The following MGMT variants were observed in gnomAD, a reference collection of about 807,000 sequenced individuals.
MGMT encodes O-6-methylguanine-DNA methyltransferase.
A neutral mutation model predicts 15.9 loss-of-function variants in MGMT; 14 were observed. That is an observed-to-expected ratio of 0.88 (90% CI 0.58 to 1.37). The LOEUF (loss-of-function observed/expected upper bound fraction) is 1.37, where lower values mean the gene tolerates loss of function less well. Among genes scored for constraint, MGMT ranks in the 40% most tolerant of loss-of-function variants. MGMT has a pLI of 0.00. For missense variants in MGMT, 282 were observed against 268.1 expected, an observed-to-expected ratio of 1.05 and a Z score of -0.36; for synonymous variants, 130 against 118.2, an observed-to-expected ratio of 1.10 and a Z score of -0.65.
chr10:129,541,844 C>T (rs12248450), intron 2 of MGMT, among the ~76,000 whole-genome samples: 33,934 of 152,080 alleles, frequency 0.22, 4,328 homozygotes, highest in Non-Finnish European at 0.28. Flanking sequence ...GGTAGGGATC[C>T]ATTTACAGGG....
intron 1 of MGMT, among the ~76,000 whole-genome samples, chr10:129,476,801 G>A (rs1845299874): frequency 6.6e-6 from 1 of 152,174 alleles, no homozygotes; most frequent in Non-Finnish European, 1.5e-5. Context: ...CGCCCACACT[G>A]CCTCCCTCTT....
At position 129,684,201 on chromosome 10, in the gene MGMT, C is replaced by T. The variant is rs1055596745; in HGVS notation, c.126-23694C>T. Reference sequence around the variant, plus strand: ...AATGAGCAAGTGTACTTGCAAATTTCCATCCCTGGTCTGCATTTTTTAGTG... The same window carrying T: ...AATGAGCAAGTGTACTTGCAAATTTTCATCCCTGGTCTGCATTTTTTAGTG... On this transcript the variant is annotated intron_variant, in intron 2 of 4. Transcript: ENST00000651593. 3.3e-5 allele frequency among the ~76,000 whole-genome samples: 5 copies of T among 152,258 alleles called. No homozygotes were observed. The South Asian group carries it at 1.0e-3, about 32-fold the overall frequency.
At chr10:129,550,311 G>A (rs1241114122) in intron 2 of MGMT, among the ~76,000 whole-genome samples, 3 of 150,802 alleles carry the variant, frequency 2.0e-5, no homozygotes, top group Admixed American at 6.6e-5. Context: ...ACAGTGTTCC[G>A]CAGCCACCAC....
At chr10:129,516,817 G>A (rs948592856) in intron 1 of MGMT, among the ~76,000 whole-genome samples, 4 of 152,118 alleles carry the variant, frequency 2.6e-5, no homozygotes, top group Non-Finnish European at 4.4e-5. Flanking sequence ...TGGAAACTCA[G>A]CCAGGTTTTT....
intron 2 of MGMT, among the ~76,000 whole-genome samples, chr10:129,653,909 C>T (rs899864947): frequency 2.0e-5 from 3 of 152,168 alleles, no homozygotes; most frequent in East Asian, 1.9e-4. Flanking sequence ...GAGAGGAGAG[C>T]GGCCCTGCAG....
At chr10:129,501,676 G>T (rs182272621) in intron 1 of MGMT, among the ~76,000 whole-genome samples, 1 of 152,198 alleles carries the variant, frequency 6.6e-6, no homozygotes, top group Admixed American at 6.5e-5. Flanking sequence ...TGCCGCAGGT[G>T]ATGATTTTAA....
chr10:129,589,067 C>T (rs189709876), intron 2 of MGMT, among the ~76,000 whole-genome samples: 19 of 152,270 alleles, frequency 1.2e-4, no homozygotes, highest in Non-Finnish European at 1.9e-4. Context: ...TGGAAGAGGC[C>T]GGTGTTTTTG....
At chr10:129,502,398 A>G (rs1242359661) in intron 1 of MGMT, among the ~76,000 whole-genome samples, 1 of 152,066 alleles carries the variant, frequency 6.6e-6, no homozygotes, top group African/African-American at 2.4e-5. Context: ...TTGCGTTCCT[A>G]CCCAGCTAGA....
chr10:129,668,528 C>G (rs1277961930), intron 2 of MGMT, among the ~76,000 whole-genome samples: 1 of 152,186 alleles, frequency 6.6e-6, no homozygotes, highest in African/African-American at 2.4e-5. Flanking sequence ...TTCCCCATGT[C>G]TATGCAGTGA....
At chr10:129,623,054 C>T (rs895123733) in intron 2 of MGMT, among the ~76,000 whole-genome samples, 2 of 152,196 alleles carry the variant, frequency 1.3e-5, no homozygotes, top group African/African-American at 4.8e-5. Context: ...TCGTCCTTAC[C>T]GAGCTCTCTG....
At chr10:129,737,335 G>A (rs1848575556) in intron 3 of MGMT, among the ~76,000 whole-genome samples, 2 of 152,076 alleles carry the variant, frequency 1.3e-5, no homozygotes, top group African/African-American at 4.8e-5. Flanking sequence ...CTTTCTTCCA[G>A]TTGATTGCAT....
chr10:129,480,814 A>T (rs1194994729), intron 1 of MGMT, among the ~76,000 whole-genome samples: 2 of 152,252 alleles, frequency 1.3e-5, no homozygotes, highest in African/African-American at 4.8e-5. Flanking sequence ...TTGAGAAAAC[A>T]TCCGCCAGAT....
At chr10:129,601,308 T>C (rs1381481512) in intron 2 of MGMT, among the ~76,000 whole-genome samples, 1 of 152,176 alleles carries the variant, frequency 6.6e-6, no homozygotes, top group African/African-American at 2.4e-5. Context: ...AGGGCTTGTG[T>C]GTGCACTGGG....
intron 2 of MGMT, among the ~76,000 whole-genome samples, chr10:129,706,415 C>T (rs1275648019): frequency 6.6e-6 from 1 of 152,172 alleles, no homozygotes; most frequent in Non-Finnish European, 1.5e-5. Context: ...TTCTGTAGAT[C>T]TCAGCGCACG....
At chr10:129,608,171 A>G (rs1268975764) in intron 2 of MGMT, among the ~76,000 whole-genome samples, 1 of 152,252 alleles carries the variant, frequency 6.6e-6, no homozygotes, top group Non-Finnish European at 1.5e-5. Context: ...GTTGACTTGC[A>G]ATATGGAGCA....
chr10:129,722,174 C>T (rs971507337), intron 3 of MGMT, among the ~76,000 whole-genome samples: 7 of 151,910 alleles, frequency 4.6e-5, no homozygotes, highest in Non-Finnish European at 5.9e-5. Context: ...TTGAAAATAA[C>T]TATTAAAACC....
At chr10:129,702,372 C>T (rs564189386) in intron 2 of MGMT, among the ~76,000 whole-genome samples, 11 of 152,200 alleles carry the variant, frequency 7.2e-5, no homozygotes, top group Non-Finnish European at 1.6e-4. Flanking sequence ...ACCATCCTCT[C>T]GTGCCAAGTC....
intron 2 of MGMT, among the ~76,000 whole-genome samples, chr10:129,595,582 T>C (rs571573242): frequency 6.6e-6 from 1 of 152,200 alleles, no homozygotes; most frequent in African/African-American, 2.4e-5. Context: ...TGAAAAGTGT[T>C]GACTGGATGC....
chr10:129,484,652 G>A (rs1389343727), intron 1 of MGMT, among the ~76,000 whole-genome samples: 2 of 152,156 alleles, frequency 1.3e-5, no homozygotes, highest in African/African-American at 2.4e-5. Flanking sequence ...TCTCATGTGT[G>A]TGTGTTTTAA....
Sources: gnomAD v4.1 joint callset for allele counts (sites outside exome capture counted in the v4.1 genomes callset) on GRCh38, gnomAD v4.1.1 for gene constraint, MANE v1.5 for transcripts, NCBI Gene and HGNC (gene_info 2026-07-23, HGNC 2026-07-21) for gene names.